The following LPP variants were observed in gnomAD, a reference collection of about 807,000 sequenced individuals.
The protein encoded by LPP is lipoma-preferred partner.
Under a neutral mutation model 60.4 loss-of-function variants are expected in LPP, and 38 were observed. The ratio of observed to expected loss-of-function variants is 0.63; its 90% CI spans 0.49 to 0.83. LPP has a LOEUF of 0.83. Among genes scored for constraint, LPP ranks in the 40% least tolerant of loss-of-function variants. The probability of loss-of-function intolerance (pLI) is 0.00; values close to 1 mark genes in which losing one functional copy is unlikely to be tolerated. For synonymous variants in LPP, 328 were observed against 290.8 expected, an observed-to-expected ratio of 1.13 and a Z score of -1.30; for missense variants, 902 against 783.6, an observed-to-expected ratio of 1.15 and a Z score of -1.80.
At chr3:188,476,377 A>G (rs1319705816) in intron 4 of LPP, among the ~76,000 whole-genome samples, 1 of 152,196 alleles carries the variant, frequency 6.6e-6, no homozygotes, top group Admixed American at 6.5e-5. Flanking sequence ...TACCCTGTTA[A>G]TGAACATTCT....
intron 9 of LPP, among the ~76,000 whole-genome samples, chr3:188,854,705 G>T (rs973264638): frequency 2.0e-5 from 3 of 152,186 alleles, no homozygotes; most frequent in African/African-American, 2.4e-5. Context: ...GATCAAGTTT[G>T]GTTCAAAGAA....
chr3:188,760,025 C>T (rs576379357), intron 8 of LPP, 88 bp from the exon 9 acceptor site: 37 of 1,133,712 alleles, frequency 3.3e-5, no homozygotes, highest in South Asian at 2.9e-4. Flanking sequence ...TTGCTGCTGA[C>T]GTTATGAACC....
chr3:188,177,128 C>T (rs1364441206), intron 1 of LPP, among the ~76,000 whole-genome samples: 3 of 152,164 alleles, frequency 2.0e-5, no homozygotes, highest in Non-Finnish European at 2.9e-5. Context: ...AAGAGCTAGG[C>T]AGTATGAGGC....
intron 3 of LPP, among the ~76,000 whole-genome samples, chr3:188,404,893 G>A (rs1201290405): frequency 6.6e-6 from 1 of 152,162 alleles, no homozygotes; most frequent in Non-Finnish European, 1.5e-5. Context: ...AGCCCTCCTC[G>A]GCAGCAGCCT....
At chr3:188,354,718 A>G (rs1245358849) in intron 3 of LPP, among the ~76,000 whole-genome samples, 1 of 152,216 alleles carries the variant, frequency 6.6e-6, no homozygotes, top group Non-Finnish European at 1.5e-5. Context: ...AAATTTCTTC[A>G]GCCCTCATTG....
chr3:188,223,732 C>G (rs917792610), intron 1 of LPP, among the ~76,000 whole-genome samples: 1 of 152,154 alleles, frequency 6.6e-6, no homozygotes, highest in African/African-American at 2.4e-5. Flanking sequence ...ATTTGTATCT[C>G]TCTCTGCAAG....
intron 6 of LPP, among the ~76,000 whole-genome samples, chr3:188,564,011 C>T (rs1301429490): frequency 2.0e-5 from 3 of 151,830 alleles, no homozygotes; most frequent in South Asian, 2.1e-4. Context: ...AAAACAGCCA[C>T]GACTCTTCGC....
At chr3:188,259,946 C>T (rs1001343409) in intron 2 of LPP, among the ~76,000 whole-genome samples, 2 of 151,446 alleles carry the variant, frequency 1.3e-5, no homozygotes, top group Non-Finnish European at 2.9e-5. Flanking sequence ...AATATAAAGG[C>T]AATATATTCT....
At chr3:188,313,413 G>A (rs141574041) in intron 2 of LPP, among the ~76,000 whole-genome samples, 1 of 152,094 alleles carries the variant, frequency 6.6e-6, no homozygotes, top group South Asian at 2.1e-4. Flanking sequence ...GCTGAGGTGG[G>A]CAGATCACTT....
At chr3:188,664,504 A>G (rs1405568594) in intron 7 of LPP, among the ~76,000 whole-genome samples, 1 of 152,184 alleles carries the variant, frequency 6.6e-6, no homozygotes, top group Non-Finnish European at 1.5e-5. Flanking sequence ...GATTTACTCA[A>G]TGGCCTGATA....
At chr3:188,657,760 G>A (rs1035124664) in intron 7 of LPP, among the ~76,000 whole-genome samples, 1 of 152,062 alleles carries the variant, frequency 6.6e-6, no homozygotes, top group African/African-American at 2.4e-5. Context: ...TTTCTCTATA[G>A]AGAATACCTT....
chr3:188,794,576 A>G (rs1332852749), intron 9 of LPP, among the ~76,000 whole-genome samples: 1 of 152,150 alleles, frequency 6.6e-6, no homozygotes, highest in Non-Finnish European at 1.5e-5. Flanking sequence ...TGTTAGAAAA[A>G]CGATTTGTTG....
intron 2 of LPP, among the ~76,000 whole-genome samples, chr3:188,337,272 C>T (rs1006481199): frequency 3.9e-5 from 6 of 152,184 alleles, no homozygotes; most frequent in South Asian, 2.1e-4. Flanking sequence ...GACGGCATAG[C>T]GCAGTAGCTG....
chr3:188,332,476 C>G (rs1760381187), intron 2 of LPP, among the ~76,000 whole-genome samples: 1 of 152,190 alleles, frequency 6.6e-6, no homozygotes, highest in African/African-American at 2.4e-5. Context: ...ATGCATTAAA[C>G]TAGGTGTGTG....
chr3:188,396,118 CTT>C (rs1283279109), intron 3 of LPP, among the ~76,000 whole-genome samples: 1 of 152,092 alleles, frequency 6.6e-6, no homozygotes, highest in Non-Finnish European at 1.5e-5. Flanking sequence ...TATGATTACT[CTT>C]AGCAGATTAT....
intron 7 of LPP, among the ~76,000 whole-genome samples, chr3:188,660,867 A>G (rs776014495): frequency 2.6e-5 from 4 of 152,170 alleles, no homozygotes; most frequent in Non-Finnish European, 5.9e-5. Context: ...CAAAGTCCAT[A>G]GTTTACATTA....
Position 188,760,236 on chromosome 3 carries a change from C to T in LPP, c.1364C>T (p.Pro455Leu). The change falls in exon 9 of 12, where the codon CCA becomes CTA. Residue 455 changes from proline to leucine, a missense_variant. By Grantham distance (98) the Pro-to-Leu change is moderately conservative. Coordinates refer to ENST00000617246, the MANE Select transcript of LPP (RefSeq NM_001375462.1). ...TGCAACAACAAGCTCCGAGGGCAGCCATTCTATGCTGTGGAAAAGAAAGCA... is the reference window on the plus strand; with the variant it reads ...TGCAACAACAAGCTCCGAGGGCAGCTATTCTATGCTGTGGAAAAGAAAGCA... The part of the protein sequence containing the change: ...IICNNKLRGQ[P>L]FYAVEKKAYC... 6.2e-7 allele frequency: 1 copy of T among 1,614,128 alleles called. No homozygotes were observed.
chr3:188,159,195 G>C (rs759668557), intron 1 of LPP, among the ~76,000 whole-genome samples: 1 of 152,134 alleles, frequency 6.6e-6, no homozygotes, highest in Non-Finnish European at 1.5e-5. Context: ...TCACGGCTCC[G>C]GTAACGGTGC....
intron 4 of LPP, among the ~76,000 whole-genome samples, chr3:188,436,699 A>C (rs1287263797): frequency 6.6e-6 from 1 of 152,192 alleles, no homozygotes; most frequent in African/African-American, 2.4e-5. Flanking sequence ...TTAGAAAATA[A>C]TTAGGTGTAT....
Sources: gnomAD v4.1 joint callset for allele counts (sites outside exome capture counted in the v4.1 genomes callset) on GRCh38, gnomAD v4.1.1 for gene constraint, MANE v1.5 for transcripts, NCBI Gene and HGNC (gene_info 2026-07-23, HGNC 2026-07-21) for gene names.